Variants in CSTF3 observed in about 807,000 individuals in gnomAD.
CSTF3 encodes the protein cleavage stimulation factor subunit 3.
In CSTF3, 29 loss-of-function variants were observed where a neutral mutation model predicts 105.8. The observed-to-expected ratio is 0.27, with a 90% CI of 0.20 to 0.37. The LOEUF (loss-of-function observed/expected upper bound fraction) is 0.37, where lower values mean the gene tolerates loss of function less well. Ranked by LOEUF, CSTF3 falls within the 10% of genes least tolerant of loss-of-function variation. The pLI is 1.00. For missense variants in CSTF3, 357 were observed against 879.3 expected, an observed-to-expected ratio of 0.41 and a Z score of 7.51; for synonymous variants, 252 against 281.9, an observed-to-expected ratio of 0.89 and a Z score of 1.06.
At chr11:33,125,433 G>A (rs1299940142) in intron 3 of CSTF3, among the ~76,000 whole-genome samples, 2 of 152,154 alleles carry the variant, frequency 1.3e-5, no homozygotes, top group Non-Finnish European at 1.5e-5. Flanking sequence ...GAAAGGGTAT[G>A]AATAAGCTAT....
chr11:33,144,917 A>G, intron 1 of CSTF3: 1 of 234,226 alleles, frequency 4.3e-6, no homozygotes. Flanking sequence ...GAGAAGTTGC[A>G]GGGAACTGAG....
rs568996761 is a variant in CSTF3 at position 33,159,374 on chromosome 11, T to C, written c.27+1925A>G. On this transcript the variant is annotated intron_variant, in intron 1 of 20. Coordinates refer to ENST00000323959, the MANE Select transcript of CSTF3 (RefSeq NM_001326.3). ...ACTTTGGAAGGCAGAGGTAGGCGGATCACTTGAGGTCAGGAGTTCGAGACC... is the reference window on the plus strand; with the variant it reads ...ACTTTGGAAGGCAGAGGTAGGCGGACCACTTGAGGTCAGGAGTTCGAGACC... Among the ~76,000 whole-genome samples, 167 of 152,010 alleles carry C rather than the reference T, an allele frequency of 1.1e-3. 2 individuals carry two copies. The highest frequency in any genetic ancestry group is 1.5e-3 in the Non-Finnish European group (105 of 67,986).
At position 33,120,248 on chromosome 11, in the gene CSTF3, AAC is replaced by A. The variant is rs1250098621; in HGVS notation, c.226-11832_226-11831del. ...TTAAAAGCGATTTTATAGACTAAAT[AAC>A]ACAAAAATATGCTACCATGTGGAAA... is the stretch of plus-strand genomic sequence containing the variant. On this transcript the variant is annotated intron_variant, in intron 3 of 20. Transcript: ENST00000323959. 2.0e-5 allele frequency among the ~76,000 whole-genome samples: 3 copies of A among 151,772 alleles called. No individual in the cohort carries two copies. The East Asian group carries it at 5.8e-4, about 29-fold the overall frequency.
Position 33,090,745 on chromosome 11 carries a change from CA to C in CSTF3, c.1446-19del. The C allele has an allele frequency of 6.7e-7, 1 of 1,486,840 alleles. No individual in the cohort carries two copies. The highest frequency in any genetic ancestry group is 9.0e-7 in the Non-Finnish European group (1 of 1,113,426). 92.1% of individuals were successfully genotyped at this position (1,486,840 alleles called of 1,614,324 possible). On this transcript the variant is annotated intron_variant, in intron 16 of 20. Transcript: ENST00000323959. ...AGATTTCTCTGCAAGAAAAGAAATA[CA>C]ATCAATACTTTAATTATTCTGGGTT...
chr11:33,087,665 GAC>G (rs1184176663), intron 17 of CSTF3, among the ~76,000 whole-genome samples: 1 of 152,230 alleles, frequency 6.6e-6, no homozygotes, highest in Non-Finnish European at 1.5e-5. Flanking sequence ...TTACTGAGCA[GAC>G]ACTATTCATC....
Position 33,099,868 on chromosome 11 carries a change from C to A in CSTF3, c.827-151G>T. ...AGTGATTTCTGGCACCATCATCCATCCAAGTTCCCTCCATCTATCCATCAC... is the reference window on the plus strand; with the variant it reads ...AGTGATTTCTGGCACCATCATCCATACAAGTTCCCTCCATCTATCCATCAC... On this transcript the variant is annotated intron_variant, in intron 10 of 20. Transcript: ENST00000323959. This position sits in a 1 kb window ranked among gnomAD's most constrained non-coding sequence, Gnocchi z 4.1. The A allele has an allele frequency of 2.0e-6, 1 of 497,178 alleles. No individual in the cohort carries two copies. The highest frequency in any genetic ancestry group is 2.8e-5 in the South Asian group (1 of 35,142). 30.8% of individuals were successfully genotyped at this position (497,178 alleles called of 1,614,324 possible).
chr11:33,131,123 CTGAAAT>C (rs1202501609), intron 3 of CSTF3, among the ~76,000 whole-genome samples: 2 of 152,158 alleles, frequency 1.3e-5, no homozygotes, highest in Non-Finnish European at 2.9e-5. Flanking sequence ...TTTGTACTCT[CTGAAAT>C]TAAGTCCAAG....
At chr11:33,090,427 T>C (rs546623771) in intron 17 of CSTF3, 105 bp downstream of exon 17, 1 of 712,398 alleles carries the variant, frequency 1.4e-6, no homozygotes, top group South Asian at 5.0e-5. Flanking sequence ...AAATCTATTC[T>C]AAAACTAGAT....
In CSTF3 at chr11:33,085,294, TAAAAC is replaced by T. The variant is rs765652003; in HGVS notation, c.1952-10_1952-6del. 23 of 1,529,798 alleles carry T rather than the reference TAAAAC, an allele frequency of 1.5e-5. No homozygotes were observed. Among genetic ancestry groups the T allele is most frequent in the African/African-American group, 4.2e-5 (3 of 71,600 alleles). The allele number at this position is 1,529,798 out of a possible 1,614,324, so 94.8% of individuals were successfully genotyped here. A position where few individuals can be genotyped will look rare whatever the true frequency, so the allele number is the denominator to read the frequency against. ...TCCTCACAGCTTCCTCAACAGCTAT[TAAAAC>T]AAAACAACAAAACGTAAAAACATAT... On this transcript the variant is annotated splice_region_variant and splice_polypyrimidine_tract_variant and intron_variant, in intron 20 of 20. Transcript: ENST00000323959.
intron 3 of CSTF3, among the ~76,000 whole-genome samples, chr11:33,111,288 A>C (rs1855376964): frequency 6.6e-6 from 1 of 152,210 alleles, no homozygotes; most frequent in African/African-American, 2.4e-5. Context: ...ACTTACTGTA[A>C]ACTTTGTAGT....
At chr11:33,088,604 T>C (rs1314959585) in intron 17 of CSTF3, among the ~76,000 whole-genome samples, 2 of 151,730 alleles carry the variant, frequency 1.3e-5, no homozygotes, top group Admixed American at 6.6e-5. Context: ...CTTTTCTGTT[T>C]ATTTTTATTT....
chr11:33,132,982 A>T (rs1855615216), intron 3 of CSTF3, among the ~76,000 whole-genome samples: 1 of 152,086 alleles, frequency 6.6e-6, no homozygotes, highest in Non-Finnish European at 1.5e-5. Flanking sequence ...TAATGCTTGA[A>T]GTAACAATTT....
intron 1 of CSTF3, among the ~76,000 whole-genome samples, chr11:33,151,332 C>T (rs911553205): frequency 6.6e-6 from 1 of 152,002 alleles, no homozygotes; most frequent in Non-Finnish European, 1.5e-5. Flanking sequence ...GGACTACAGG[C>T]ATGTGCCACC....
At chr11:33,154,597 A>C (rs976797508) in intron 1 of CSTF3, among the ~76,000 whole-genome samples, 57 of 150,378 alleles carry the variant, frequency 3.8e-4, no homozygotes, top group Non-Finnish European at 2.2e-4. Flanking sequence ...CCCGGGTTCA[A>C]GTGATTATCC....
intron 1 of CSTF3, among the ~76,000 whole-genome samples, chr11:33,159,723 T>C (rs1051447799): frequency 1.3e-5 from 2 of 151,606 alleles, no homozygotes; most frequent in African/African-American, 4.9e-5. Context: ...TGGTGAGCTG[T>C]GATGGCGTCA....
chr11:33,087,203 C>G (rs561940480), intron 17 of CSTF3, 62 bp from the exon 18 acceptor site: 1 of 1,553,572 alleles, frequency 6.4e-7, no homozygotes, highest in Non-Finnish European at 8.8e-7. Context: ...AATAATCATG[C>G]AATAACCTTG....
intron 1 of CSTF3, chr11:33,156,602 A>T: frequency 2.3e-6 from 1 of 435,596 alleles, no homozygotes; most frequent in South Asian, 1.6e-5. Context: ...TCTTAGAATC[A>T]TGTAGCTTTT....
At chr11:33,151,152 T>C (rs1196756782) in intron 1 of CSTF3, among the ~76,000 whole-genome samples, 1 of 152,132 alleles carries the variant, frequency 6.6e-6, no homozygotes, top group Non-Finnish European at 1.5e-5. Context: ...GATGTGCCCA[T>C]ATTTAATGTA....
Position 33,160,363 on chromosome 11 carries a change from A to T in CSTF3, c.27+936T>A, listed in dbSNP as rs150391250. Among the ~76,000 whole-genome samples, 56 of 152,288 alleles carry T rather than the reference A, an allele frequency of 3.7e-4. No homozygotes were observed. In the East Asian group the frequency reaches 6.9e-3, roughly 19 times the overall value. ...CATCTTCCACGTTATAAGCTAGGGA[A>T]CCTGAAAAACGAAAACCTAAGTGCA... On this transcript the variant is annotated intron_variant, in intron 1 of 20. Coordinates refer to ENST00000323959, the MANE Select transcript of CSTF3 (RefSeq NM_001326.3).
Sources: gnomAD v4.1 joint callset for allele counts (sites outside exome capture counted in the v4.1 genomes callset) on GRCh38, gnomAD v4.1.1 for gene constraint, Gnocchi (gnomAD v3.1) non-coding constraint, MANE v1.5 for transcripts, NCBI Gene and HGNC (gene_info 2026-07-23, HGNC 2026-07-21) for gene names.